MAU2: variants seen among roughly 807,000 people sequenced by gnomAD.
MAU2 encodes MAU2 sister chromatid cohesion factor, also known as MAU2 chromatid cohesion factor homolog.
Under a neutral mutation model 89.1 loss-of-function variants are expected in MAU2, and 9 were observed. The observed-to-expected ratio is 0.10, with a 90% confidence interval of 0.06 to 0.18. MAU2 has a LOEUF of 0.18. Ranked by LOEUF, MAU2 falls within the 10% of genes least tolerant of loss-of-function variation. The pLI, the probability that MAU2 is intolerant of heterozygous loss-of-function variation, is 1.00. For missense variants in MAU2, 425 were observed against 803.5 expected (o/e 0.53, Z 5.69); for synonymous variants, 357 against 343.4 (o/e 1.04, Z -0.44).
At chr19:19,325,956 C>A (rs1568647831) in intron 1 of MAU2, among the ~76,000 whole-genome samples, 2 of 149,442 alleles carry the variant, frequency 1.3e-5, no homozygotes, top group East Asian at 3.9e-4. Flanking sequence ...GGTTATTTCT[C>A]TTTTATCTGC....
intron 4 of MAU2, among the ~76,000 whole-genome samples, chr19:19,337,588 C>T (rs1250068031): frequency 2.0e-5 from 3 of 152,162 alleles, no homozygotes; most frequent in African/African-American, 4.8e-5. Flanking sequence ...CCCTCCCAGC[C>T]GTTCTCATCT....
chr19:19,349,004 T>C lies in MAU2; in HGVS notation c.1358+66T>C, dbSNP rs2146703402. The C allele has an allele frequency of 2.5e-6, 4 of 1,583,680 alleles. No homozygotes were observed. The Admixed American group carries it at 6.8e-5, about 27-fold the overall frequency. ...CCCCGTGCTCTTTGGTTGGGGCCCC[T>C]GACTGCCCCTTGCACCCTGACACCC... On this transcript the variant is annotated intron_variant, in intron 14 of 18. Transcript: ENST00000262815.
chr19:19,352,129 G>A (rs1254701593), intron 16 of MAU2: 6 of 151,722 alleles, frequency 4.0e-5, no homozygotes, highest in East Asian at 1.9e-4. Context: ...GATTACAGAC[G>A]TGAGCCACTG....
rs989149564 is a variant in MAU2 at position 19,355,845 on chromosome 19, A to T, written c.*63A>T. On this transcript the variant is annotated 3_prime_UTR_variant, in exon 19 of 19. Transcript: ENST00000262815. ...CGTCTCCGGCTTCCACCCAGACGGC[A>T]CTCAAGCCTGCCCCCGAGGCGTGCT... The T allele has an allele frequency of 6.9e-6, 10 of 1,450,314 alleles. No individual in the cohort carries two copies. The highest frequency in any genetic ancestry group is 7.7e-6 in the Non-Finnish European group (8 of 1,044,726). The allele number at this position is 1,450,314 out of a possible 1,614,324, so 89.8% of individuals were successfully genotyped here.
At chr19:19,354,565 A>C (rs1416322644) in intron 17 of MAU2, 120 bp downstream of exon 17, 3 of 836,822 alleles carry the variant, frequency 3.6e-6, no homozygotes, top group Non-Finnish European at 3.9e-6. Flanking sequence ...CCGCAGCCCC[A>C]GTTCTAGCAT....
rs34536394 is a variant in MAU2 at position 19,349,975 on chromosome 19, ATT to A, written c.1548+562_1548+563del. Among the ~76,000 whole-genome samples the A allele has an allele frequency of 7.3e-3, 811 of 111,222 alleles. 3 individuals are homozygous for A. Among genetic ancestry groups the A allele is most frequent in the South Asian group, 0.01 (34 of 3,270 alleles). 73.0% of individuals were successfully genotyped at this position (111,222 alleles called of 152,430 possible). A position where few individuals can be genotyped will look rare whatever the true frequency, so the allele number is the denominator to read the frequency against. ...ACCCACTGATCTCACGAGGTCTTGAATTTTTTTTTTTTTTTTTTTTTTTTAAG... is the reference window on the plus strand; with the variant it reads ...ACCCACTGATCTCACGAGGTCTTGAATTTTTTTTTTTTTTTTTTTTTTAAG... On this transcript the variant is annotated intron_variant, in intron 16 of 18. Coordinates refer to ENST00000262815, the MANE Select transcript of MAU2 (RefSeq NM_015329.4).
chr19:19,351,020 C>A (rs1166357743), intron 16 of MAU2, among the ~76,000 whole-genome samples: 2 of 151,964 alleles, frequency 1.3e-5, no homozygotes, highest in Non-Finnish European at 2.9e-5. Context: ...CCTGGGCAAC[C>A]TAGTGAGACC....
rs1310306017 is a variant in MAU2, at chr19:19,358,094, A to C, written c.*2312A>C. ...GACTTTGTCTCAAAAAAAAAAAAAA[A>C]AACAATGGAAGGCAGACAGCAAGTC... On this transcript the variant is annotated 3_prime_UTR_variant, in exon 19 of 19. Coordinates refer to ENST00000262815, the MANE Select transcript of MAU2 (RefSeq NM_015329.4). 2 of 152,140 alleles carry C rather than the reference A, an allele frequency of 1.3e-5. No homozygotes were observed. Among genetic ancestry groups the C allele is most frequent in the African/African-American group, 4.8e-5 (2 of 41,406 alleles). The allele number at this position is 152,140 out of a possible 1,614,324, so 9.4% of individuals were successfully genotyped here.
At position 19,351,974 on chromosome 19, in the gene MAU2, G is replaced by A. The variant is rs551379129; in HGVS notation, c.1549-2381G>A. Among the ~76,000 whole-genome samples, 164 of 148,044 alleles carry A rather than the reference G, an allele frequency of 1.1e-3. 1 individual carries two copies. The highest frequency in any genetic ancestry group is 3.8e-3 in the African/African-American group (152 of 40,170). On this transcript the variant is annotated intron_variant, in intron 16 of 18. Transcript: ENST00000262815. Reference sequence around the variant, plus strand: ...ACGGATTCTCCTGCCTCAGCCTCCCGAGTAGCTGGGATTACAGTCGAGCAC... The same window carrying A: ...ACGGATTCTCCTGCCTCAGCCTCCCAAGTAGCTGGGATTACAGTCGAGCAC...
chr19:19,354,466 T>C (rs774026165), intron 17 of MAU2, 21 bp downstream of exon 17: 1 of 1,603,868 alleles, frequency 6.2e-7, no homozygotes, highest in East Asian at 2.2e-5. Context: ...TGGCCACCCC[T>C]CTTCCCCAGC....
chr19:19,354,699 A>G, intron 17 of MAU2: 2 of 528,238 alleles, frequency 3.8e-6, no homozygotes, highest in Non-Finnish European at 6.9e-6. Flanking sequence ...TATCTGGTAG[A>G]CTTGGGCTGT....
chr19:19,335,469 C>T (rs1167836691), intron 1 of MAU2, among the ~76,000 whole-genome samples: 1 of 152,148 alleles, frequency 6.6e-6, no homozygotes, highest in Admixed American at 6.5e-5. Context: ...AGTGCGAGCC[C>T]CTCCTCTGAT....
chr19:19,342,846 T>C lies in MAU2; in HGVS notation c.953T>C (p.Met318Thr). The C allele has an allele frequency of 1.2e-6, 2 of 1,614,024 alleles. No homozygotes were observed. Among genetic ancestry groups the C allele is most frequent in the Non-Finnish European group, 1.7e-6 (2 of 1,179,998 alleles). ...CAGAAGTACACGGACAAGGCCCTCA[T>C]GCAGCTGGAGAAGCTCAAGAGTAAG... ...KAQKYTDKALMQLEKLKMLDC... is the reference protein window; with the variant it reads ...KAQKYTDKALTQLEKLKMLDC... Residue 318 changes from methionine to threonine, a missense_variant, in exon 9 of 19, where the codon ATG becomes ACG. By Grantham distance (81) the Met-to-Thr change is moderately conservative. This residue lies in a region of MAU2 where 119 missense variants were observed against 299.8 expected (regional missense o/e 0.40). Coordinates refer to ENST00000262815, the MANE Select transcript of MAU2 (RefSeq NM_015329.4).
At chr19:19,353,142 C>T (rs2061758691) in intron 16 of MAU2, 3 of 152,242 alleles carry the variant, frequency 2.0e-5, no homozygotes, top group South Asian at 2.1e-4. Context: ...TGTCCTGAGC[C>T]TGTTAGGCTA....
At position 19,355,331 on chromosome 19, in the gene MAU2, G is replaced by T. The variant is rs149341168; in HGVS notation, c.1707G>T (p.Ser569=). The change falls in exon 18 of 19, where the codon TCG becomes TCT. Residue 569 remains serine (S), a synonymous_variant. Transcript: ENST00000262815. ...HEAAQMHQNF[S]QQLLQDHIEA... The stretch of plus-strand genomic sequence containing the variant: ...CCGCCCAGATGCACCAGAACTTCTC[G>T]CAGCAGCTGCTCCAGGACCACATTG... 3 of 1,613,984 alleles carry T rather than the reference G, an allele frequency of 1.9e-6. No homozygotes were observed. Among genetic ancestry groups the T allele is most frequent in the South Asian group, 1.1e-5 (1 of 91,092 alleles).
chr19:19,350,571 A>C (rs1483407785), intron 16 of MAU2, among the ~76,000 whole-genome samples: 2 of 148,212 alleles, frequency 1.3e-5, no homozygotes, highest in Non-Finnish European at 3.0e-5. Context: ...GTGTCATTGT[A>C]CTCCATCCAG....
rs2061580498 is a variant in MAU2, at chr19:19,334,454, C to T, written c.277-1264C>T. The T allele has an allele frequency of 5.1e-6, 5 of 985,626 alleles. No individual in the cohort carries two copies. In the South Asian group the frequency reaches 1.9e-4, roughly 37 times the overall value. The allele number at this position is 985,626 out of a possible 1,614,324, so 61.1% of individuals were successfully genotyped here. A position where few individuals can be genotyped will look rare whatever the true frequency, so the allele number is the denominator to read the frequency against. On this transcript the variant is annotated intron_variant, in intron 1 of 18. Transcript: ENST00000262815. ...GTGCTTTCCCAGTGCCTGTGACATTCCCAGCTGCTGCTCACCCTTGCCCTA... is the reference window on the plus strand; with the variant it reads ...GTGCTTTCCCAGTGCCTGTGACATTTCCAGCTGCTGCTCACCCTTGCCCTA...
chr19:19,329,001 T>C, intron 1 of MAU2: 1 of 455,456 alleles, frequency 2.2e-6, no homozygotes, highest in Non-Finnish European at 4.4e-6. Context: ...TCATCTGACT[T>C]AGAAAGCAGC....
At chr19:19,350,628 T>C (rs12459854) in intron 16 of MAU2, among the ~76,000 whole-genome samples, 86,234 of 148,818 alleles carry the variant, frequency 0.58, 26,139 homozygotes, top group East Asian at 0.68. Context: ...AGGCCGGGCA[T>C]GGTGGCTCAC....
Sources: allele counts gnomAD v4.1 joint callset (sites outside exome capture counted in the v4.1 genomes callset), GRCh38; gene constraint gnomAD v4.1.1; regional missense constraint gnomAD v4.1.1; transcripts MANE v1.5; gene names NCBI Gene and HGNC (gene_info 2026-07-23, HGNC 2026-07-21).